CYP2C8: variants seen among roughly 807,000 people sequenced by gnomAD.
CYP2C8 encodes the protein cytochrome P450 2C8.
A neutral mutation model predicts 41.3 loss-of-function variants in CYP2C8; 51 were observed. That is an observed-to-expected ratio of 1.24 (90% CI 0.99 to 1.56). The LOEUF (loss-of-function observed/expected upper bound fraction) is 1.56, where lower values mean the gene tolerates loss of function less well. Ranked by LOEUF, CYP2C8 falls within the 40% of genes most tolerant of loss-of-function variation. CYP2C8 has a pLI of 0.00. For synonymous variants in CYP2C8, 218 were observed against 205.8 expected, an observed-to-expected ratio of 1.06 and a Z score of -0.51; for missense variants, 651 against 579.9, an observed-to-expected ratio of 1.12 and a Z score of -1.26.
intron 1 of CYP2C8, chr10:95,068,695 A>G: frequency 5.4e-6 from 5 of 926,158 alleles, no homozygotes; most frequent in Non-Finnish European, 7.6e-6. Context: ...TATATAATAC[A>G]ATGACCCCAA....
Position 95,067,517 on chromosome 10 carries a change from A to T in CYP2C8, c.331+12T>A. On this transcript the variant is annotated intron_variant, in intron 2 of 8. Transcript: ENST00000371270. ...CAGTTACCAAAGCTGACACAGAAAT[A>T]TGTGCACCTACCAAGTCCTTTAGTA... 1 of 1,614,124 alleles carries T rather than the reference A, an allele frequency of 6.2e-7. No individual in the cohort carries two copies. The highest frequency in any genetic ancestry group is 8.5e-7 in the Non-Finnish European group (1 of 1,180,002).
At chr10:95,042,136 TG>T (rs1262749072) in intron 7 of CYP2C8, among the ~76,000 whole-genome samples, 1 of 152,230 alleles carries the variant, frequency 6.6e-6, no homozygotes, top group African/African-American at 2.4e-5. Context: ...GAAATAAGGA[TG>T]CCCTCTATCA....
At chr10:95,058,821 G>A (rs1466706122) in intron 4 of CYP2C8, among the ~76,000 whole-genome samples, 1 of 151,892 alleles carries the variant, frequency 6.6e-6, no homozygotes, top group East Asian at 1.9e-4. Flanking sequence ...AGACCCCAGT[G>A]TGTAATGTTC....
intron 5 of CYP2C8, 89 bp downstream of exon 5, chr10:95,058,246 T>C: frequency 6.3e-7 from 1 of 1,579,126 alleles, no homozygotes; most frequent in Admixed American, 1.7e-5. Flanking sequence ...GGCCTGATCA[T>C]TTAAACATCC....
chr10:95,067,727 C>A (rs11572074), intron 1 of CYP2C8, 36 bp from the exon 2 acceptor site: 1 of 1,602,624 alleles, frequency 6.2e-7, no homozygotes, highest in South Asian at 1.1e-5. Flanking sequence ...CAAAATAAGT[C>A]GCTATTTGCT....
intron 5 of CYP2C8, among the ~76,000 whole-genome samples, chr10:95,048,236 C>T (rs2033147164): frequency 6.6e-6 from 1 of 152,202 alleles, no homozygotes; most frequent in Admixed American, 6.5e-5. Context: ...AATATTGGCT[C>T]TTCCTTCTGA....
chr10:95,039,113 C>G, intron 7 of CYP2C8, 75 bp from the exon 8 acceptor site: 1 of 1,344,976 alleles, frequency 7.4e-7, no homozygotes, highest in Non-Finnish European at 1.1e-6. Context: ...CATCACGTAG[C>G]GCCATAACGT....
intron 6 of CYP2C8, 49 bp downstream of exon 6, chr10:95,045,761 T>C (rs2033094872): frequency 6.2e-7 from 1 of 1,612,170 alleles, no homozygotes; most frequent in Non-Finnish European, 8.5e-7. Context: ...TGGCACCATC[T>C]TCTCAGCATT....
At position 95,037,011 on chromosome 10, in the gene CYP2C8, A is replaced by G; in HGVS notation, c.*117T>C. On this transcript the variant is annotated 3_prime_UTR_variant, in exon 9 of 9. Coordinates refer to ENST00000371270, the MANE Select transcript of CYP2C8 (RefSeq NM_000770.3). Reference sequence around the variant, plus strand: ...AATGGAGTTTGGATGCTTATGGGATATTGAGTGAATGGGAAGATTTGATGA... The same window carrying G: ...AATGGAGTTTGGATGCTTATGGGATGTTGAGTGAATGGGAAGATTTGATGA... 2 of 955,476 alleles carry G rather than the reference A, an allele frequency of 2.1e-6. No homozygotes were observed. Among genetic ancestry groups the G allele is most frequent in the Non-Finnish European group, 1.7e-6 (1 of 597,744 alleles). 59.2% of individuals were successfully genotyped at this position (955,476 alleles called of 1,614,324 possible).
At chr10:95,040,312 T>C (rs570677996) in intron 7 of CYP2C8, among the ~76,000 whole-genome samples, 1 of 152,298 alleles carries the variant, frequency 6.6e-6, no homozygotes, top group South Asian at 2.1e-4. Context: ...CTGTGGATTG[T>C]AGTCCTAATC....
chr10:95,047,378 T>A (rs547617021), intron 5 of CYP2C8, among the ~76,000 whole-genome samples: 1 of 152,206 alleles, frequency 6.6e-6, no homozygotes, highest in Non-Finnish European at 1.5e-5. Flanking sequence ...AGTGTTACAC[T>A]CTTGAATCAA....
At chr10:95,067,074 TCTCC>T in intron 3 of CYP2C8, 130 bp downstream of exon 3, 1 of 1,251,396 alleles carries the variant, frequency 8.0e-7, no homozygotes, top group Non-Finnish European at 1.2e-6. Flanking sequence ...GTGCTTCAAA[TCTCC>T]CTCCACCACC....
intron 7 of CYP2C8, chr10:95,039,319 C>A (rs904225564): frequency 4.9e-6 from 2 of 411,610 alleles, no homozygotes; most frequent in Non-Finnish European, 9.0e-6. Context: ...CCTCATTTGC[C>A]GCTCTATTTC....
chr10:95,068,544 G>A (rs1395730636), intron 1 of CYP2C8: 2 of 1,224,086 alleles, frequency 1.6e-6, no homozygotes, highest in African/African-American at 1.5e-5. Context: ...TAAAACACAT[G>A]ACTACTATAG....
chr10:95,065,369 T>C (rs1358951365), intron 3 of CYP2C8, among the ~76,000 whole-genome samples: 1 of 152,214 alleles, frequency 6.6e-6, no homozygotes, highest in Admixed American at 6.5e-5. Flanking sequence ...AGAAATGTCA[T>C]ATAGCTGAAA....
At chr10:95,055,069 G>C (rs933847928) in intron 5 of CYP2C8, among the ~76,000 whole-genome samples, 1 of 152,074 alleles carries the variant, frequency 6.6e-6, no homozygotes, top group Non-Finnish European at 1.5e-5. Flanking sequence ...GTAATCTAAA[G>C]ATTGAATGTA....
rs554793239 is a variant in CYP2C8 at position 95,053,819 on chromosome 10, G to A, written c.819+4516C>T. Among the ~76,000 whole-genome samples, 5 of 152,064 alleles carry A rather than the reference G, an allele frequency of 3.3e-5. No individual in the cohort carries two copies. The South Asian group carries it at 8.3e-4, about 25-fold the overall frequency. On this transcript the variant is annotated intron_variant, in intron 5 of 8. Transcript: ENST00000371270. ...CTGGGACAAATACTTAATTCATGCG[G>A]GGCTTAAAACCTAGATGACAGGTTG... is the stretch of plus-strand genomic sequence containing the variant.
intron 7 of CYP2C8, 116 bp from the exon 8 acceptor site, chr10:95,039,154 C>T: frequency 2.2e-6 from 2 of 928,642 alleles, no homozygotes; most frequent in South Asian, 1.3e-5. Flanking sequence ...TCAGGTCCAG[C>T]CAGACACAGT....
At chr10:95,057,297 A>C (rs2033333282) in intron 5 of CYP2C8, among the ~76,000 whole-genome samples, 1 of 152,162 alleles carries the variant, frequency 6.6e-6, no homozygotes, top group Non-Finnish European at 1.5e-5. Flanking sequence ...ACAGTATTGT[A>C]ATTAAACAAA....
Sources: gnomAD v4.1 joint callset for allele counts (sites outside exome capture counted in the v4.1 genomes callset) on GRCh38, gnomAD v4.1.1 for gene constraint, MANE v1.5 for transcripts, NCBI Gene and HGNC (gene_info 2026-07-23, HGNC 2026-07-21) for gene names.